Variants in BNC2 observed in about 807,000 individuals in gnomAD.
The protein encoded by BNC2 is zinc finger protein basonuclin-2.
A neutral mutation model predicts 76.3 loss-of-function variants in BNC2; 20 were observed. The observed-to-expected ratio is 0.26, with a 90% CI of 0.18 to 0.38. BNC2 has a LOEUF of 0.38. BNC2 is among the 10% of genes least tolerant of loss of function. BNC2 has a pLI of 1.00. For missense variants in BNC2, 1,382 were observed against 1,399.8 expected (o/e 0.99, Z 0.20); for synonymous variants, 582 against 514.8 (o/e 1.13, Z -1.77).
intron 3 of BNC2, among the ~76,000 whole-genome samples, chr9:16,705,711 T>G (rs182239350): frequency 6.6e-6 from 1 of 152,192 alleles, no homozygotes; most frequent in Admixed American, 6.5e-5. Flanking sequence ...AACTTTACAT[T>G]TGCATTGATA....
chr9:16,683,735 C>G (rs898556292), intron 3 of BNC2, among the ~76,000 whole-genome samples: 5 of 152,070 alleles, frequency 3.3e-5, no homozygotes, highest in Non-Finnish European at 7.4e-5. Flanking sequence ...TGTATATGTA[C>G]TAGGTATTTC....
At chr9:16,625,256 G>A (rs891318049) in intron 3 of BNC2, among the ~76,000 whole-genome samples, 4 of 152,056 alleles carry the variant, frequency 2.6e-5, no homozygotes, top group Admixed American at 6.5e-5. Context: ...AACCAGACCC[G>A]ATCGGGAAAT....
intron 3 of BNC2, among the ~76,000 whole-genome samples, chr9:16,674,436 T>C (rs1822575700): frequency 6.6e-6 from 1 of 152,096 alleles, no homozygotes; most frequent in African/African-American, 2.4e-5. Context: ...CTAAAAAAAA[T>C]AACAATCTAA....
At chr9:16,727,355 G>A (rs1824368768) in intron 3 of BNC2, 5 of 189,174 alleles carry the variant, frequency 2.6e-5, no homozygotes, top group Non-Finnish European at 4.4e-5. Context: ...AGTCAGTAGG[G>A]CTGTTCTGAG....
At chr9:16,667,717 T>A (rs1483255371) in intron 3 of BNC2, among the ~76,000 whole-genome samples, 2 of 152,162 alleles carry the variant, frequency 1.3e-5, no homozygotes, top group Non-Finnish European at 2.9e-5. Flanking sequence ...TTAAGAAAGG[T>A]ATAGTTCAAG....
intron 3 of BNC2, among the ~76,000 whole-genome samples, chr9:16,607,949 T>C (rs1262680673): frequency 3.3e-5 from 5 of 152,214 alleles, no homozygotes; most frequent in African/African-American, 4.8e-5. Context: ...TTTACTCTTA[T>C]GACCAATATG....
intron 4 of BNC2, among the ~76,000 whole-genome samples, chr9:16,581,312 C>A (rs1041374697): frequency 6.6e-5 from 10 of 152,224 alleles, no homozygotes; most frequent in Non-Finnish European, 1.2e-4. Context: ...ATAATCCCAG[C>A]ACTCTGGGAG....
chr9:16,580,162 G>C (rs1437655747), intron 4 of BNC2: 2 of 398,558 alleles, frequency 5.0e-6, no homozygotes, highest in Non-Finnish European at 8.8e-6. Flanking sequence ...TGCAGAGAGA[G>C]GGAATGAAGC....
At chr9:16,668,581 T>C (rs1056725786) in intron 3 of BNC2, among the ~76,000 whole-genome samples, 3 of 152,380 alleles carry the variant, frequency 2.0e-5, no homozygotes, top group Admixed American at 2.0e-4. Context: ...AGGCCTATGC[T>C]AAAATACCAT....
intron 1 of BNC2, among the ~76,000 whole-genome samples, chr9:16,745,426 C>T (rs984637393): frequency 3.3e-5 from 5 of 152,074 alleles, no homozygotes; most frequent in African/African-American, 1.2e-4. Flanking sequence ...AAAGGTGAGG[C>T]GTTAAAGAAT....
chr9:16,832,970 T>C (rs546608726), intron 1 of BNC2, among the ~76,000 whole-genome samples: 188 of 152,168 alleles, frequency 1.2e-3, no homozygotes, highest in African/African-American at 4.4e-3. Flanking sequence ...GTGATCCGCC[T>C]GCCTTGACCT....
chr9:16,760,280 A>T (rs976357634), intron 1 of BNC2, among the ~76,000 whole-genome samples: 2 of 152,194 alleles, frequency 1.3e-5, no homozygotes, highest in Non-Finnish European at 2.9e-5. Flanking sequence ...AGAAAAATGT[A>T]CCCACACTAT....
intron 3 of BNC2, among the ~76,000 whole-genome samples, chr9:16,658,646 A>G (rs1209598874): frequency 6.6e-6 from 1 of 152,198 alleles, no homozygotes. Context: ...CATAGGTCTT[A>G]TAAGCATGTG....
intron 1 of BNC2, among the ~76,000 whole-genome samples, chr9:16,815,180 A>G (rs1213811299): frequency 6.6e-6 from 1 of 152,218 alleles, no homozygotes; most frequent in Non-Finnish European, 1.5e-5. Context: ...TCAAGGAGAT[A>G]GAGGAAAAGA....
At chr9:16,677,085 TTCTG>T (rs1407946332) in intron 3 of BNC2, among the ~76,000 whole-genome samples, 3 of 152,190 alleles carry the variant, frequency 2.0e-5, no homozygotes, top group South Asian at 4.2e-4. Flanking sequence ...CAGAAAAAAA[TTCTG>T]TCTAATTTTT....
At chr9:16,499,367 T>A (rs957783454) in intron 5 of BNC2, among the ~76,000 whole-genome samples, 1 of 152,080 alleles carries the variant, frequency 6.6e-6, no homozygotes, top group Non-Finnish European at 1.5e-5. Context: ...AATCTACTGT[T>A]AATTAATTAA....
At chr9:16,820,107 AGAGT>A (rs1478318960) in intron 1 of BNC2, among the ~76,000 whole-genome samples, 4 of 126,998 alleles carry the variant, frequency 3.1e-5, no homozygotes, top group Non-Finnish European at 6.3e-5. Flanking sequence ...CCTGGGCAAC[AGAGT>A]GAGACTGTCT....
intron 3 of BNC2, among the ~76,000 whole-genome samples, chr9:16,681,509 T>C (rs377574693): frequency 6.6e-6 from 1 of 152,172 alleles, no homozygotes; most frequent in East Asian, 1.9e-4. Flanking sequence ...CATTTGTCAA[T>C]AGCTGGAAAG....
chr9:16,675,586 T>A (rs1312560057), intron 3 of BNC2, among the ~76,000 whole-genome samples: 3 of 152,094 alleles, frequency 2.0e-5, no homozygotes, highest in Non-Finnish European at 4.4e-5. Context: ...AAAGAAAAAA[T>A]TTAGAATACT....
Sources: allele counts gnomAD v4.1 joint callset (sites outside exome capture counted in the v4.1 genomes callset), GRCh38; gene constraint gnomAD v4.1.1; transcripts MANE v1.5; gene names NCBI Gene and HGNC (gene_info 2026-07-23, HGNC 2026-07-21).